The following RHOBTB1 variants were observed in gnomAD, a reference collection of about 807,000 sequenced individuals.
RHOBTB1 encodes the protein rho-related BTB domain-containing protein 1.
RHOBTB1 carries 40 observed loss-of-function variants against 71.6 expected under a neutral mutation model. The observed-to-expected ratio is 0.56, with a 90% CI of 0.43 to 0.73. RHOBTB1 has a LOEUF of 0.73. Ranked by LOEUF, RHOBTB1 falls within the 30% of genes least tolerant of loss-of-function variation. The pLI, the probability that RHOBTB1 is intolerant of heterozygous loss-of-function variation, is 0.00. For synonymous variants in RHOBTB1, 319 were observed against 334.9 expected, an observed-to-expected ratio of 0.95 and a Z score of 0.52; for missense variants, 797 against 894.0, an observed-to-expected ratio of 0.89 and a Z score of 1.38.
At chr10:60,899,928 AG>A (rs543094851) in intron 4 of RHOBTB1, among the ~76,000 whole-genome samples, 117 of 152,252 alleles carry the variant, frequency 7.7e-4, no homozygotes, top group African/African-American at 2.7e-3. Flanking sequence ...GGCCTCGCTG[AG>A]AAGGTGACAT....
intron 2 of RHOBTB1, among the ~76,000 whole-genome samples, chr10:60,912,039 T>C (rs180977138): frequency 2.3e-4 from 35 of 152,302 alleles, no homozygotes; most frequent in African/African-American, 7.9e-4. Flanking sequence ...CAGTTTTCTA[T>C]AGGTTCAAAA....
At chr10:60,953,119 C>T (rs2085471170) in intron 2 of RHOBTB1, among the ~76,000 whole-genome samples, 1 of 152,016 alleles carries the variant, frequency 6.6e-6, no homozygotes, top group Non-Finnish European at 1.5e-5. Flanking sequence ...AAACACACAG[C>T]CCATTTCAAC....
At chr10:60,955,835 A>T (rs751362478) in intron 2 of RHOBTB1, among the ~76,000 whole-genome samples, 1 of 152,220 alleles carries the variant, frequency 6.6e-6, no homozygotes, top group Non-Finnish European at 1.5e-5. Context: ...AAAACTAAGG[A>T]TGTGCTATCA....
Position 60,903,961 on chromosome 10 carries a change from T to C in RHOBTB1, c.296+6926A>G, listed in dbSNP as rs192141529. ...ACTACTTTGTCCATAAGGATATTTC[T>C]TTTCTTTTCTTTTTTTTTTGAGACA... On this transcript the variant is annotated intron_variant, in intron 4 of 10. Transcript: ENST00000337910. 4.6e-5 allele frequency among the ~76,000 whole-genome samples: 7 copies of C among 152,292 alleles called. No homozygotes were observed. The East Asian group carries it at 1.3e-3, about 29-fold the overall frequency.
downstream of RHOBTB1, among the ~76,000 whole-genome samples, chr10:60,865,191 A>G (rs2080631388): frequency 6.6e-6 from 1 of 152,182 alleles, no homozygotes; most frequent in Admixed American, 6.5e-5. Context: ...TGTCCAATAA[A>G]TAATTTATCC....
At chr10:60,881,989 A>C (rs2081347279) in intron 7 of RHOBTB1, among the ~76,000 whole-genome samples, 1 of 152,212 alleles carries the variant, frequency 6.6e-6, no homozygotes, top group Admixed American at 6.5e-5. Flanking sequence ...ATTAAATTAG[A>C]ATAAACTAAG....
chr10:60,877,935 A>G lies in RHOBTB1; in HGVS notation c.1699T>C (p.Cys567Arg), dbSNP rs751013426. 2.5e-6 allele frequency: 4 copies of G among 1,613,996 alleles called. No homozygotes were observed. The highest frequency in any genetic ancestry group is 3.4e-6 in the Non-Finnish European group (4 of 1,179,924). The change falls in exon 8 of 11, where the codon TGC (cysteine) becomes CGC (arginine). Residue 567 changes from cysteine (C) to arginine (R), a missense_variant. Around this residue, in one of 2 missense-constraint regions of RHOBTB1, gnomAD observed 658 missense variants for 681.5 expected, o/e 0.97. Coordinates refer to ENST00000337910, the MANE Select transcript of RHOBTB1 (RefSeq NM_014836.5). ...LELIALANRF[C>R]LPHLVALAEQ... ...GCAAGTGCAACCAAGTGTGGCAGGCAAAATCTGTTTGCCAAGGCAATTAAT... is the reference window on the plus strand; with the variant it reads ...GCAAGTGCAACCAAGTGTGGCAGGCGAAATCTGTTTGCCAAGGCAATTAAT...
intron 1 of RHOBTB1, among the ~76,000 whole-genome samples, chr10:60,989,735 C>T (rs753711782): frequency 1.3e-5 from 2 of 152,154 alleles, no homozygotes; most frequent in Non-Finnish European, 2.9e-5. Flanking sequence ...GAGGCTGTAG[C>T]TCAGGGAAGT....
chr10:60,895,423 A>T (rs2082114893), intron 4 of RHOBTB1, among the ~76,000 whole-genome samples: 1 of 152,150 alleles, frequency 6.6e-6, no homozygotes, highest in African/African-American at 2.4e-5. Flanking sequence ...TTATTTTTTG[A>T]GACGGAGTTT....
Position 60,910,913 on chromosome 10 carries a change from G to C in RHOBTB1, c.270C>G (p.His90Gln). ...LRLWDTFGDH[H>Q]KDRRFAYGRS... ...TGCCATATGCAAAGCGTCTGTCTTT[G>C]TGATGATCACCAAAAGTATCCCAAA... Residue 90 changes from histidine to glutamine, a missense_variant, in exon 4 of 11, where the codon CAC (histidine) becomes CAG (glutamine). By Grantham distance (24) the His-to-Gln change is conservative. This residue lies in a region of RHOBTB1 where 139 missense variants were observed against 212.5 expected (regional missense o/e 0.65). Transcript: ENST00000337910. 1 of 1,613,944 alleles carries C rather than the reference G, an allele frequency of 6.2e-7. No individual in the cohort carries two copies. The highest frequency in any genetic ancestry group is 8.5e-7 in the Non-Finnish European group (1 of 1,179,896).
downstream of RHOBTB1, among the ~76,000 whole-genome samples, chr10:60,865,305 CAT>C (rs1351430441): frequency 1.3e-5 from 2 of 152,352 alleles, no homozygotes; most frequent in East Asian, 3.9e-4. Context: ...TCCTTCAACA[CAT>C]GTGCACAATC....
intron 8 of RHOBTB1, among the ~76,000 whole-genome samples, chr10:60,875,268 G>C (rs1049131444): frequency 6.6e-6 from 1 of 152,132 alleles, no homozygotes; most frequent in Non-Finnish European, 1.5e-5. Context: ...CTAGTTCATG[G>C]CTCTGAAATA....
chr10:60,978,888 C>T lies in RHOBTB1; in HGVS notation c.-62+6957G>A, dbSNP rs78067041. On this transcript the variant is annotated intron_variant, in intron 2 of 11. Coordinates refer to the RHOBTB1 transcript ENST00000357917. Reference sequence around the variant, plus strand: ...ATATCAGACATTCCTCTACTCACTTCCTTTTATAGAGGCCATTAATATAGA... The same window carrying T: ...ATATCAGACATTCCTCTACTCACTTTCTTTTATAGAGGCCATTAATATAGA... Among the ~76,000 whole-genome samples the T allele has an allele frequency of 1.6e-3, 246 of 152,224 alleles. 2 individuals carry two copies. The highest frequency in any genetic ancestry group is 5.4e-3 in the African/African-American group (223 of 41,554).
At chr10:60,921,086 T>C (rs1245711974) in intron 2 of RHOBTB1, among the ~76,000 whole-genome samples, 1 of 152,000 alleles carries the variant, frequency 6.6e-6, no homozygotes, top group Non-Finnish European at 1.5e-5. Context: ...GTAGCTGGGA[T>C]TACTGGCACC....
chr10:60,935,228 A>G (rs1009311713), intron 2 of RHOBTB1, among the ~76,000 whole-genome samples: 2 of 152,244 alleles, frequency 1.3e-5, no homozygotes, highest in African/African-American at 4.8e-5. Flanking sequence ...GCCAGGCACA[A>G]AAGAATACAT....
chr10:60,879,619 A>G (rs1339087002), intron 7 of RHOBTB1, among the ~76,000 whole-genome samples: 1 of 152,092 alleles, frequency 6.6e-6, no homozygotes, highest in Non-Finnish European at 1.5e-5. Flanking sequence ...TGCTGGGATT[A>G]CAGGCATGAG....
intron 2 of RHOBTB1, among the ~76,000 whole-genome samples, chr10:60,929,359 T>C (rs1355779496): frequency 1.3e-5 from 2 of 152,078 alleles, no homozygotes; most frequent in Non-Finnish European, 2.9e-5. Flanking sequence ...GACATAATAA[T>C]ACATTTCTGA....
chr10:60,916,951 G>A (rs571564506), intron 2 of RHOBTB1, among the ~76,000 whole-genome samples: 1 of 152,320 alleles, frequency 6.6e-6, no homozygotes, highest in African/African-American at 2.4e-5. Context: ...TGAAGATGAA[G>A]GAAGGGGCTG....
chr10:60,871,579 C>T lies in RHOBTB1; in HGVS notation c.1994G>A (p.Arg665His), dbSNP rs143799442. 586 of 1,614,094 alleles carry T rather than the reference C, an allele frequency of 3.6e-4. 1 individual carries two copies. Among genetic ancestry groups the T allele is most frequent in the Non-Finnish European group, 4.6e-4 (540 of 1,179,978 alleles). ...TTCCTTCTCTCGTTCCCTTTTCACA[C>T]GCTGGTAGTGATCTTCTTCCTTCAG... is the stretch of plus-strand genomic sequence containing the variant. ...WYLKEEDHYQ[R>H]VKREREKEDI... The change falls in exon 11 of 11, where the codon CGT becomes CAT. Residue 665 changes from arginine (R) to histidine (H), a missense_variant. Transcript: ENST00000337910.
Sources: allele counts gnomAD v4.1 joint callset (sites outside exome capture counted in the v4.1 genomes callset), GRCh38; gene constraint gnomAD v4.1.1; regional missense constraint gnomAD v4.1.1; transcripts MANE v1.5; gene names NCBI Gene and HGNC (gene_info 2026-07-23, HGNC 2026-07-21).